The following LRRC8B variants were observed in gnomAD, a reference collection of about 807,000 sequenced individuals.
LRRC8B encodes leucine rich repeat containing 8 VRAC subunit B.
In LRRC8B, 23 loss-of-function variants were observed where a neutral mutation model predicts 58.8. The observed-to-expected ratio is 0.39, with a 90% confidence interval of 0.28 to 0.55. LRRC8B has a LOEUF of 0.55. LRRC8B is among the 20% of genes least tolerant of loss of function. LRRC8B has a pLI of 0.62. For missense variants in LRRC8B, 694 were observed against 936.0 expected, an observed-to-expected ratio of 0.74 and a Z score of 3.37; for synonymous variants, 359 against 374.1, an observed-to-expected ratio of 0.96 and a Z score of 0.47.
At chr1:89,533,740 C>T (rs1354005476) in intron 1 of LRRC8B, among the ~76,000 whole-genome samples, 5 of 152,150 alleles carry the variant, frequency 3.3e-5, no homozygotes, top group African/African-American at 7.2e-5. Context: ...AGACTTCGTA[C>T]ATGGCATACC....
At chr1:89,527,155 G>T (rs1649760656) in intron 1 of LRRC8B, among the ~76,000 whole-genome samples, 1 of 152,134 alleles carries the variant, frequency 6.6e-6, no homozygotes. Context: ...CCTTGTTTTA[G>T]CCAATGTTTT....
At chr1:89,579,344 C>A (rs1267296247) in intron 3 of LRRC8B, among the ~76,000 whole-genome samples, 1 of 152,150 alleles carries the variant, frequency 6.6e-6, no homozygotes, top group Non-Finnish European at 1.5e-5. Flanking sequence ...TGTAGATACA[C>A]CTTTGCCAGA....
Position 89,583,138 on chromosome 1 carries a change from C to T in LRRC8B, c.488C>T (p.Pro163Leu), listed in dbSNP as rs1360348242. Reference sequence around the variant, plus strand: ...ATCCTTCACAAGTGCTTCGATTCTCCATGGACCACCCGCGCCCTTTCAGAA... The same window carrying T: ...ATCCTTCACAAGTGCTTCGATTCTCTATGGACCACCCGCGCCCTTTCAGAA... ...VAILHKCFDS[P>L]WTTRALSETV... The change falls in exon 5 of 6, where the codon CCA becomes CTA. Residue 163 changes from proline (P) to leucine (L), a missense_variant. By Grantham distance (98) the Pro-to-Leu change is moderately conservative. Around this residue, in one of 5 missense-constraint regions of LRRC8B, gnomAD observed 316 missense variants for 403.8 expected, o/e 0.78. Coordinates refer to ENST00000330947, the MANE Select transcript of LRRC8B (RefSeq NM_001369817.2). The surrounding 1 kb of genome is among the most constrained non-coding windows in gnomAD (Gnocchi z 5.2). 1 of 1,614,176 alleles carries T rather than the reference C, an allele frequency of 6.2e-7. No homozygotes were observed.
intron 3 of LRRC8B, among the ~76,000 whole-genome samples, chr1:89,571,721 A>G (rs967872439): frequency 6.6e-6 from 1 of 151,928 alleles, no homozygotes; most frequent in South Asian, 2.1e-4. Flanking sequence ...CTTCAATACT[A>G]TGTTGAACAG....
intron 1 of LRRC8B, among the ~76,000 whole-genome samples, chr1:89,536,951 A>G (rs1387933324): frequency 2.0e-5 from 3 of 152,182 alleles, no homozygotes; most frequent in Admixed American, 1.3e-4. Flanking sequence ...TACAATTTCA[A>G]CATGCCTTGA....
At chr1:89,589,925 A>G (rs1169646465) in intron 5 of LRRC8B, among the ~76,000 whole-genome samples, 1 of 152,202 alleles carries the variant, frequency 6.6e-6, no homozygotes, top group Non-Finnish European at 1.5e-5. Context: ...TTTGCTGAAG[A>G]CATTTGGTTG....
At chr1:89,579,428 C>T (rs1427789807) in intron 3 of LRRC8B, among the ~76,000 whole-genome samples, 163 bp from the exon 4 acceptor site, 2 of 152,150 alleles carry the variant, frequency 1.3e-5, no homozygotes, top group African/African-American at 2.4e-5. Context: ...CCTGTAATCC[C>T]AGCATTTGAG....
intron 5 of LRRC8B, among the ~76,000 whole-genome samples, chr1:89,589,280 A>AACAT (rs985581682): frequency 9.9e-5 from 15 of 152,146 alleles, no homozygotes; most frequent in African/African-American, 3.4e-4. Flanking sequence ...ATGGAACCCA[A>AACAT]ACATTCTGAT....
chr1:89,535,446 T>C (rs1213049499), intron 1 of LRRC8B, among the ~76,000 whole-genome samples: 20 of 152,082 alleles, frequency 1.3e-4, no homozygotes, highest in Admixed American at 1.3e-3. Context: ...GAGACTGAGG[T>C]GGAAGGATGC....
At chr1:89,552,545 A>T (rs899834557) in intron 1 of LRRC8B, among the ~76,000 whole-genome samples, 2 of 152,222 alleles carry the variant, frequency 1.3e-5, no homozygotes, top group Non-Finnish European at 2.9e-5. Flanking sequence ...CTGGTTTTAG[A>T]GAGCTTATAA....
chr1:89,591,671 G>A (rs1256580762), intron 5 of LRRC8B, among the ~76,000 whole-genome samples: 2 of 152,108 alleles, frequency 1.3e-5, no homozygotes, highest in Non-Finnish European at 2.9e-5. Context: ...TTATATAAAA[G>A]CTATTTATCC....
intron 1 of LRRC8B, among the ~76,000 whole-genome samples, chr1:89,564,962 A>G (rs1652939724): frequency 6.6e-6 from 1 of 152,194 alleles, no homozygotes; most frequent in African/African-American, 2.4e-5. Context: ...TTGGGTTAAG[A>G]GTGTGTTATA....
At chr1:89,534,539 A>ACT (rs1570555724) in intron 1 of LRRC8B, among the ~76,000 whole-genome samples, 1 of 151,270 alleles carries the variant, frequency 6.6e-6, no homozygotes, top group East Asian at 1.9e-4. Flanking sequence ...ACACACACAC[A>ACT]CTCAGTATAC....
At chr1:89,545,255 A>G (rs10922660) in intron 1 of LRRC8B, among the ~76,000 whole-genome samples, 34,207 of 152,180 alleles carry the variant, frequency 0.22, 4,121 homozygotes, top group South Asian at 0.33. Flanking sequence ...GATATGGTCA[A>G]TGATTTCTGC....
chr1:89,566,017 C>A (rs893013470), intron 1 of LRRC8B, among the ~76,000 whole-genome samples: 1 of 152,132 alleles, frequency 6.6e-6, no homozygotes, highest in Admixed American at 6.6e-5. Flanking sequence ...TCAGTAGGTA[C>A]TATTTTTGTT....
chr1:89,590,838 G>T lies in LRRC8B; in HGVS notation c.2140-1933G>T, dbSNP rs112443574. Among the ~76,000 whole-genome samples the T allele has an allele frequency of 5.0e-3, 755 of 152,294 alleles. 3 individuals carry two copies. Among genetic ancestry groups the T allele is most frequent in the African/African-American group, 0.017 (707 of 41,556 alleles). ...ACAGACAATTGTGTAATCGTTTCATGTTTCTCTCTTCCGTGAGACTTGTGC... is the reference window on the plus strand; with the variant it reads ...ACAGACAATTGTGTAATCGTTTCATTTTTCTCTCTTCCGTGAGACTTGTGC... On this transcript the variant is annotated intron_variant, in intron 5 of 5. Coordinates refer to ENST00000330947, the MANE Select transcript of LRRC8B (RefSeq NM_001369817.2).
chr1:89,566,785 A>C (rs968303262), intron 1 of LRRC8B, among the ~76,000 whole-genome samples: 1 of 152,210 alleles, frequency 6.6e-6, no homozygotes, highest in Non-Finnish European at 1.5e-5. Context: ...TCTATCAGAA[A>C]GCTGATTGCT....
At chr1:89,573,719 T>G (rs1304214500) in intron 3 of LRRC8B, among the ~76,000 whole-genome samples, 1 of 152,252 alleles carries the variant, frequency 6.6e-6, no homozygotes. Context: ...CCTTATCTAA[T>G]AAACCTTCCT....
chr1:89,592,757 TC>T lies in LRRC8B; in HGVS notation c.2140-13del. ...AAACCTATTTTACCAGCTTCTTTTTTCTTCCCTTTCCAGATTGAGATGCTAC... is the reference window on the plus strand; with the variant it reads ...AAACCTATTTTACCAGCTTCTTTTTTTTCCCTTTCCAGATTGAGATGCTAC... On this transcript the variant is annotated splice_polypyrimidine_tract_variant and intron_variant, in intron 5 of 5. Transcript: ENST00000330947. 1 of 1,610,230 alleles carries T rather than the reference TC, an allele frequency of 6.2e-7. No homozygotes were observed. The highest frequency in any genetic ancestry group is 8.5e-7 in the Non-Finnish European group (1 of 1,178,002).
Sources: allele counts gnomAD v4.1 joint callset (sites outside exome capture counted in the v4.1 genomes callset), GRCh38; gene constraint gnomAD v4.1.1; regional missense constraint gnomAD v4.1.1; non-coding constraint Gnocchi (gnomAD v3.1); transcripts MANE v1.5; gene names NCBI Gene and HGNC (gene_info 2026-07-23, HGNC 2026-07-21).